BMPER: variants seen among roughly 807,000 people sequenced by gnomAD.
The protein encoded by BMPER is BMP-binding endothelial regulator protein.
A neutral mutation model predicts 87.3 loss-of-function variants in BMPER; 45 were observed. The observed-to-expected ratio is 0.52, with a 90% CI of 0.41 to 0.66. The LOEUF is 0.66. Ranked by LOEUF, BMPER falls within the 30% of genes least tolerant of loss-of-function variation. The pLI, the probability that BMPER is intolerant of heterozygous loss-of-function variation, is 0.00. For missense variants in BMPER, 784 were observed against 867.5 expected (o/e 0.90, Z 1.21); for synonymous variants, 326 against 316.2 (o/e 1.03, Z -0.33).
At chr7:33,926,391 T>G (rs1784362720) in intron 2 of BMPER, among the ~76,000 whole-genome samples, 1 of 152,260 alleles carries the variant, frequency 6.6e-6, no homozygotes. Flanking sequence ...TTAAAATTAA[T>G]GATTAAGGGT....
In BMPER at chr7:34,153,994, G is replaced by C. The variant is rs1424112692; in HGVS notation, c.*721G>C. 6.5e-6 allele frequency: 1 copy of C among 152,732 alleles called. No homozygotes were observed. Among genetic ancestry groups the C allele is most frequent in the African/African-American group, 2.4e-5 (1 of 41,448 alleles). The allele number at this position is 152,732 out of a possible 1,614,324, so 9.5% of individuals were successfully genotyped here. ...AATCATCTATGTGTGTATGATGGAT[G>C]TGACCATTTATATGTCATGTGTTGA... On this transcript the variant is annotated 3_prime_UTR_variant, in exon 15 of 15. Coordinates refer to ENST00000649409, the MANE Select transcript of BMPER (RefSeq NM_001365308.1).
intron 6 of BMPER, among the ~76,000 whole-genome samples, chr7:34,043,652 C>T (rs1326222978): frequency 6.6e-6 from 1 of 152,144 alleles, no homozygotes; most frequent in Admixed American, 6.5e-5. Flanking sequence ...GTCATATACA[C>T]TCCTTAAAGG....
chr7:34,130,081 T>G (rs1790542736), intron 13 of BMPER, among the ~76,000 whole-genome samples: 1 of 152,166 alleles, frequency 6.6e-6, no homozygotes, highest in Non-Finnish European at 1.5e-5. Context: ...CTTCCTGATA[T>G]TATGTCACCA....
intron 6 of BMPER, among the ~76,000 whole-genome samples, chr7:34,017,116 A>T (rs1005541491): frequency 6.6e-6 from 1 of 151,882 alleles, no homozygotes; most frequent in Non-Finnish European, 1.5e-5. Flanking sequence ...CTGGTTCTGT[A>T]GAGTGAGTTA....
At chr7:33,983,875 T>G (rs931699386) in intron 6 of BMPER, among the ~76,000 whole-genome samples, 1 of 152,116 alleles carries the variant, frequency 6.6e-6, no homozygotes, top group South Asian at 2.1e-4. Context: ...CCAAATCTGG[T>G]ACAAGAAATA....
intron 13 of BMPER, among the ~76,000 whole-genome samples, chr7:34,125,785 G>A (rs1790386528): frequency 6.6e-6 from 1 of 152,184 alleles, no homozygotes; most frequent in African/African-American, 2.4e-5. Flanking sequence ...CAATATTGTT[G>A]TGTTGCTTAA....
intron 11 of BMPER, among the ~76,000 whole-genome samples, chr7:34,062,581 A>T (rs186527099): frequency 6.6e-6 from 1 of 151,982 alleles, no homozygotes; most frequent in African/African-American, 2.4e-5. Flanking sequence ...GTCATGGGTC[A>T]CTTAACAGGA....
At chr7:34,076,080 G>A (rs919424301) in intron 11 of BMPER, among the ~76,000 whole-genome samples, 1 of 152,036 alleles carries the variant, frequency 6.6e-6, no homozygotes, top group East Asian at 1.9e-4. Context: ...TCTTCCATAA[G>A]TTAGGGCCTC....
At chr7:34,069,082 A>G (rs903880338) in intron 11 of BMPER, among the ~76,000 whole-genome samples, 5 of 152,208 alleles carry the variant, frequency 3.3e-5, no homozygotes, top group Non-Finnish European at 7.3e-5. Flanking sequence ...ATGCGAATTC[A>G]TTATTAGACA....
At chr7:33,909,693 A>AAAAAAAAAAAAAAAAG (rs10655768) in intron 2 of BMPER, among the ~76,000 whole-genome samples, 1 of 138,920 alleles carries the variant, frequency 7.2e-6, no homozygotes. Flanking sequence ...AAAAAAAAAA[A>AAAAAAAAAAAAAAAAG]AAAGAAAGAA....
intron 12 of BMPER, among the ~76,000 whole-genome samples, chr7:34,085,288 T>C (rs908572335): frequency 1.3e-5 from 2 of 152,216 alleles, no homozygotes; most frequent in African/African-American, 4.8e-5. Flanking sequence ...TTTGGAAATT[T>C]TCCTTTGGCA....
chr7:34,105,267 A>G (rs1789789465), intron 13 of BMPER, among the ~76,000 whole-genome samples: 1 of 152,170 alleles, frequency 6.6e-6, no homozygotes, highest in Admixed American at 6.5e-5. Context: ...ATGAATTCTA[A>G]ACACATTCCT....
At chr7:33,998,643 C>G (rs1005000431) in intron 6 of BMPER, among the ~76,000 whole-genome samples, 1 of 152,178 alleles carries the variant, frequency 6.6e-6, no homozygotes, top group Admixed American at 6.5e-5. Flanking sequence ...TCCCTGAGAA[C>G]GTTGTGAACA....
At chr7:33,920,420 GTTT>G (rs58577259) in intron 2 of BMPER, among the ~76,000 whole-genome samples, 3 of 86,396 alleles carry the variant, frequency 3.5e-5, no homozygotes, top group Non-Finnish European at 6.2e-5. Context: ...ACTCCGTTGT[GTTT>G]TTTTTTTTTT....
intron 5 of BMPER, among the ~76,000 whole-genome samples, chr7:33,971,885 A>C (rs1785557212): frequency 6.6e-6 from 1 of 152,090 alleles, no homozygotes; most frequent in Non-Finnish European, 1.5e-5. Flanking sequence ...TGTTGAGTAG[A>C]CTGTTGCTTT....
intron 9 of BMPER, 102 bp downstream of exon 9, chr7:34,055,405 A>G (rs1585782929): frequency 7.0e-7 from 1 of 1,426,858 alleles, no homozygotes; most frequent in East Asian, 2.3e-5. Flanking sequence ...ATTTCTATAT[A>G]CATATACAAA....
At chr7:33,989,762 G>A (rs1308254046) in intron 6 of BMPER, among the ~76,000 whole-genome samples, 5 of 152,276 alleles carry the variant, frequency 3.3e-5, no homozygotes, top group South Asian at 4.1e-4. Context: ...TAACGTTTAA[G>A]TCTTTAATCC....
Position 34,078,942 on chromosome 7 carries a change from C to T in BMPER, c.1164C>T (p.Tyr388=), listed in dbSNP as rs376862501. 2.5e-5 allele frequency: 41 copies of T among 1,614,102 alleles called. No homozygotes were observed. Among genetic ancestry groups the T allele is most frequent in the Non-Finnish European group, 3.2e-5 (38 of 1,180,058 alleles). The change falls in exon 12 of 15, where the codon TAC becomes TAT. Residue 388 remains tyrosine, a synonymous_variant. Coordinates refer to ENST00000649409, the MANE Select transcript of BMPER (RefSeq NM_001365308.1). ...TTAACTTTCAGGGGACGTGTCAGTA[C>T]GTTTTGACAAAAGACTGCTCCTCCC... ...RTFNFQGTCQ[Y]VLTKDCSSPA...
chr7:33,923,990 T>A (rs894099344), intron 2 of BMPER, among the ~76,000 whole-genome samples: 1 of 152,168 alleles, frequency 6.6e-6, no homozygotes, highest in African/African-American at 2.4e-5. Context: ...CACCCCCACC[T>A]GCAGTCCAGC....
Sources: gnomAD v4.1 joint callset for allele counts (sites outside exome capture counted in the v4.1 genomes callset) on GRCh38, gnomAD v4.1.1 for gene constraint, MANE v1.5 for transcripts, NCBI Gene and HGNC (gene_info 2026-07-23, HGNC 2026-07-21) for gene names.